The following SEC16B variants were observed in gnomAD, a reference collection of about 807,000 sequenced individuals.
SEC16B encodes the protein SEC16 homolog B, endoplasmic reticulum export factor.
Under a neutral mutation model 141.8 loss-of-function variants are expected in SEC16B, and 115 were observed. The ratio of observed to expected loss-of-function variants is 0.81; its 90% CI spans 0.70 to 0.95. The LOEUF is 0.95. Ranked by LOEUF, SEC16B falls within the 40% of genes least tolerant of loss-of-function variation. SEC16B has a pLI of 0.00. For missense variants in SEC16B, 1,291 were observed against 1,312.3 expected (o/e 0.98, Z 0.25); for synonymous variants, 493 against 492.5 (o/e 1.00, Z -0.01).
intron 9 of SEC16B, 45 bp from the exon 10 acceptor site, chr1:177,958,407 C>G: frequency 6.9e-7 from 1 of 1,444,328 alleles, no homozygotes; most frequent in Non-Finnish European, 9.2e-7. Flanking sequence ...TATGAGTCCT[C>G]AGGCTGGCAG....
chr1:177,971,580 T>C (rs1345385845), upstream of SEC16B: 1 of 152,246 alleles, frequency 6.6e-6, no homozygotes, highest in Non-Finnish European at 1.5e-5. Context: ...ACAAAAGTTC[T>C]TGATGTCACT....
At chr1:177,963,699 T>G (rs777554652) in intron 5 of SEC16B, among the ~76,000 whole-genome samples, 25 of 152,218 alleles carry the variant, frequency 1.6e-4, no homozygotes, top group Non-Finnish European at 3.1e-4. Context: ...AGATTTCCAT[T>G]TTGTGGCCCA....
At position 177,960,673 on chromosome 1, in the gene SEC16B, C is replaced by T. The variant is rs531889524; in HGVS notation, c.936+118G>A. 7.6e-6 allele frequency: 9 copies of T among 1,179,850 alleles called. No individual in the cohort carries two copies. In the African/African-American group the frequency reaches 1.4e-4, roughly 18 times the overall value. 73.1% of individuals were successfully genotyped at this position (1,179,850 alleles called of 1,614,324 possible). A position where few individuals can be genotyped will look rare whatever the true frequency, so the allele number is the denominator to read the frequency against. ...AGGGGGTACATGGCCCAGTTTCCCG[C>T]AAGAGCATCCCATTCCTGGAGATGC... is the stretch of plus-strand genomic sequence containing the variant. On this transcript the variant is annotated intron_variant, in intron 7 of 25. Transcript: ENST00000308284.
chr1:177,942,787 G>A (rs78342676), intron 15 of SEC16B, among the ~76,000 whole-genome samples: 4,469 of 152,238 alleles, frequency 0.029, 93 homozygotes, highest in Admixed American at 0.047. Context: ...TCAAGTGTGA[G>A]GGCTTTGGTA....
chr1:177,968,135 C>A, intron 1 of SEC16B, 96 bp from the exon 2 acceptor site: 1 of 654,804 alleles, frequency 1.5e-6, no homozygotes, highest in Non-Finnish European at 2.5e-6. Flanking sequence ...CTATGGTCCT[C>A]GAAATATATC....
In SEC16B at chr1:177,940,632, G is replaced by T. The variant is rs199539304; in HGVS notation, c.2105C>A (p.Ala702Glu). Residue 702 changes from alanine to glutamate, a missense_variant, in exon 17 of 26, where the codon GCG becomes GAG. Transcript: ENST00000308284. ...CACCTCCAGCTGCCTCCGAAGTTGC[G>T]CTAGCCAATCTGGCTCCAGGTCCCT... is the stretch of plus-strand genomic sequence containing the variant. ...GDRDLEPDWL[A>E]QLRRQLEQKV... 6.2e-7 allele frequency: 1 copy of T among 1,613,630 alleles called. No homozygotes were observed. The highest frequency in any genetic ancestry group is 1.7e-5 in the Admixed American group (1 of 60,018).
intron 2 of SEC16B, 80 bp from the exon 3 acceptor site, chr1:177,966,085 A>C: frequency 2.4e-6 from 2 of 841,370 alleles, no homozygotes; most frequent in Non-Finnish European, 3.8e-6. Flanking sequence ...TGACAAACTA[A>C]ACAGGTTCAG....
intron 10 of SEC16B, among the ~76,000 whole-genome samples, chr1:177,957,795 C>T (rs966440834): frequency 6.9e-6 from 1 of 144,746 alleles, no homozygotes; most frequent in African/African-American, 2.6e-5. Context: ...CCCACCCACC[C>T]TCCCTCCCAC....
chr1:177,976,449 G>C (rs1174531074), intron 1 of SEC16B, among the ~76,000 whole-genome samples: 4 of 152,206 alleles, frequency 2.6e-5, no homozygotes, highest in African/African-American at 9.6e-5. Flanking sequence ...TGTTCTCTCA[G>C]CTGCAGGTCG....
chr1:177,948,153 A>G (rs994248177), intron 12 of SEC16B, among the ~76,000 whole-genome samples: 1 of 152,314 alleles, frequency 6.6e-6, no homozygotes. Context: ...GTACATGCAT[A>G]CATACATACA....
chr1:177,942,172 T>C, intron 15 of SEC16B, 132 bp from the exon 16 acceptor site: 1 of 1,001,186 alleles, frequency 1.0e-6, no homozygotes, highest in Admixed American at 2.9e-5. Context: ...AAGAGGCTTG[T>C]GCCATTTGGA....
intron 1 of SEC16B, among the ~76,000 whole-genome samples, chr1:177,978,780 A>G (rs1654286557): frequency 6.6e-6 from 1 of 152,068 alleles, no homozygotes; most frequent in Non-Finnish European, 1.5e-5. Context: ...GGCTGTTCAG[A>G]GTATATGTTC....
chr1:177,970,167 T>C (rs1653869449), upstream of SEC16B: 1 of 152,252 alleles, frequency 6.6e-6, no homozygotes, highest in Non-Finnish European at 1.5e-5. Flanking sequence ...TGCCTGAGCA[T>C]GGGCTGAGCC....
rs529393422 is a variant in SEC16B at position 177,960,593 on chromosome 1, G to A, written c.937-190C>T. On this transcript the variant is annotated intron_variant, in intron 7 of 25. Coordinates refer to ENST00000308284, the MANE Select transcript of SEC16B (RefSeq NM_033127.4). Reference sequence around the variant, plus strand: ...TTGACATCTCAGGAAAAACACAACTGTAGCATCAATTCTTTCAGAGAAGAG... The same window carrying A: ...TTGACATCTCAGGAAAAACACAACTATAGCATCAATTCTTTCAGAGAAGAG... 126 of 695,374 alleles carry A rather than the reference G, an allele frequency of 1.8e-4. 1 individual carries two copies. The African/African-American group carries it at 1.9e-3, about 10-fold the overall frequency. The allele number at this position is 695,374 out of a possible 1,614,324, so 43.1% of individuals were successfully genotyped here.
chr1:177,965,908 G>C lies in SEC16B; in HGVS notation c.397C>G (p.Leu133Val), dbSNP rs915636598. Reference sequence around the variant, plus strand: ...TTTTCCATACCTCTTTCTTCCTGCAGCCACTGTGGGTGTCCATGATAGTAA... The same window carrying C: ...TTTTCCATACCTCTTTCTTCCTGCACCCACTGTGGGTGTCCATGATAGTAA... ...SYYYHGHPQW[L>V]QEERVPRQRS... The change falls in exon 3 of 26, where the codon CTG (leucine) becomes GTG (valine). Residue 133 changes from leucine to valine, a missense_variant. Around this residue, in one of 3 missense-constraint regions of SEC16B, gnomAD observed 681 missense variants for 675.5 expected, o/e 1.01. Transcript: ENST00000308284. 1.3e-6 allele frequency: 2 copies of C among 1,588,660 alleles called. No individual in the cohort carries two copies. The highest frequency in any genetic ancestry group is 1.7e-6 in the Non-Finnish European group (2 of 1,165,088).
intron 1 of SEC16B, among the ~76,000 whole-genome samples, chr1:177,983,848 T>C (rs1040627131): frequency 1.3e-5 from 2 of 152,228 alleles, no homozygotes; most frequent in Non-Finnish European, 1.5e-5. Context: ...CTTTCCATAA[T>C]CAAACCTGCC....
chr1:177,950,256 G>A (rs112943324), intron 12 of SEC16B, among the ~76,000 whole-genome samples: 31 of 152,178 alleles, frequency 2.0e-4, no homozygotes, highest in African/African-American at 6.3e-4. Flanking sequence ...CAAAAGTAAT[G>A]GAGATTGGAC....
chr1:177,946,805 T>C (rs1212564395), intron 13 of SEC16B, among the ~76,000 whole-genome samples: 1 of 152,172 alleles, frequency 6.6e-6, no homozygotes, highest in East Asian at 1.9e-4. Flanking sequence ...TTACGAGGAA[T>C]TCCCTAAACG....
rs1197813946 is a variant in SEC16B, at chr1:177,965,170, G to A, written c.413-3C>T. ...ATAAGGACTCCGTTGCCTTGGCACT[G>A]CACCCTCAGAGAAAACAAAATCAAG... On this transcript the variant is annotated splice_polypyrimidine_tract_variant and splice_region_variant and intron_variant, in intron 3 of 25. Coordinates refer to ENST00000308284, the MANE Select transcript of SEC16B (RefSeq NM_033127.4). 5 of 1,612,736 alleles carry A rather than the reference G, an allele frequency of 3.1e-6. No individual in the cohort carries two copies. Among genetic ancestry groups the A allele is most frequent in the South Asian group, 1.1e-5 (1 of 90,812 alleles).
Sources: gnomAD v4.1 joint callset for allele counts (sites outside exome capture counted in the v4.1 genomes callset) on GRCh38, gnomAD v4.1.1 for gene constraint, gnomAD v4.1.1 regional missense constraint, MANE v1.5 for transcripts, NCBI Gene and HGNC (gene_info 2026-07-23, HGNC 2026-07-21) for gene names.